SLC9A4: variants seen among roughly 807,000 people sequenced by gnomAD.
SLC9A4 encodes the protein solute carrier family 9 member A4, also known as sodium/hydrogen exchanger 4.
A neutral mutation model predicts 67.4 loss-of-function variants in SLC9A4; 63 were observed. That is an observed-to-expected ratio of 0.93 (90% CI 0.76 to 1.15). SLC9A4 has a LOEUF of 1.15. SLC9A4 is among the 50% of genes most tolerant of loss of function. The pLI is 0.00. For synonymous variants in SLC9A4, 393 were observed against 367.2 expected (o/e 1.07, Z -0.80); for missense variants, 1,089 against 987.7 (o/e 1.10, Z -1.38).
chr2:102,497,353 A>G (rs947667498), intron 2 of SLC9A4, among the ~76,000 whole-genome samples: 1 of 152,242 alleles, frequency 6.6e-6, no homozygotes, highest in Non-Finnish European at 1.5e-5. Context: ...TAGGTCTACA[A>G]AAAAGGCTTG....
Position 102,473,774 on chromosome 2 carries a change from G to A in SLC9A4, c.15G>A (p.Met5Ile), listed in dbSNP as rs781114165. 1.9e-6 allele frequency: 3 copies of A among 1,613,842 alleles called. No homozygotes were observed. The highest frequency in any genetic ancestry group is 1.1e-5 in the South Asian group (1 of 91,088). ...AGCCCACAGGAATGGCTCTGCAGAT[G>A]TTCGTGACTTACAGTCCTTGGAATT... MALQ[M>I]FVTYSPWNCL... Residue 5 changes from methionine to isoleucine, a missense_variant, in exon 1 of 12, where the codon ATG becomes ATA. By Grantham distance (10) the Met-to-Ile change is conservative. Transcript: ENST00000295269.
intron 6 of SLC9A4, among the ~76,000 whole-genome samples, chr2:102,509,301 A>G (rs1451676307): frequency 1.3e-5 from 2 of 152,156 alleles, no homozygotes; most frequent in Non-Finnish European, 2.9e-5. Flanking sequence ...CCCTCCAACA[A>G]TGATCCTTCT....
At chr2:102,501,616 G>C (rs189507451) in intron 2 of SLC9A4, among the ~76,000 whole-genome samples, 105 of 152,144 alleles carry the variant, frequency 6.9e-4, no homozygotes, top group African/African-American at 2.3e-3. Context: ...CAGAGGACCT[G>C]GAGGGGCCAG....
At chr2:102,526,229 C>A in intron 10 of SLC9A4, 30 bp from the exon 11 acceptor site, 1 of 1,606,094 alleles carries the variant, frequency 6.2e-7, no homozygotes, top group South Asian at 1.1e-5. Flanking sequence ...ACAGCTTATT[C>A]TGCTTTTTCT....
At chr2:102,493,287 C>T (rs1320276502) in intron 2 of SLC9A4, among the ~76,000 whole-genome samples, 2 of 149,920 alleles carry the variant, frequency 1.3e-5, no homozygotes, top group Non-Finnish European at 2.9e-5. Flanking sequence ...CCCCACTCTA[C>T]CTGTACCAAT....
intron 2 of SLC9A4, among the ~76,000 whole-genome samples, chr2:102,485,054 A>G (rs1684556941): frequency 6.6e-6 from 1 of 151,966 alleles, no homozygotes; most frequent in Non-Finnish European, 1.5e-5. Context: ...ATGGCACCTT[A>G]ATGAGGTGGT....
chr2:102,519,838 C>G, intron 8 of SLC9A4, 21 bp from the exon 9 acceptor site: 2 of 1,610,790 alleles, frequency 1.2e-6, no homozygotes, highest in Non-Finnish European at 8.5e-7. Flanking sequence ...ATGTTTGTCT[C>G]TTCTCCAATA....
At chr2:102,523,356 A>G (rs1010699832) in intron 9 of SLC9A4, among the ~76,000 whole-genome samples, 1 of 152,126 alleles carries the variant, frequency 6.6e-6, no homozygotes. Flanking sequence ...AATGGAAACC[A>G]TAAATCTACT....
intron 2 of SLC9A4, among the ~76,000 whole-genome samples, chr2:102,480,836 A>G (rs1057420384): frequency 6.6e-6 from 1 of 152,214 alleles, no homozygotes; most frequent in African/African-American, 2.4e-5. Context: ...TTTATCAGTC[A>G]CCTGTACTTG....
intron 4 of SLC9A4, among the ~76,000 whole-genome samples, chr2:102,507,307 G>C (rs537882496): frequency 6.6e-6 from 1 of 152,080 alleles, no homozygotes; most frequent in African/African-American, 2.4e-5. Context: ...TGAGGATGTG[G>C]AGAGTTTTAT....
intron 2 of SLC9A4, among the ~76,000 whole-genome samples, chr2:102,480,345 G>A (rs1387994790): frequency 6.6e-6 from 1 of 150,492 alleles, no homozygotes; most frequent in Non-Finnish European, 1.5e-5. Context: ...GATATAACAA[G>A]TCTTTCCGTG....
intron 2 of SLC9A4, among the ~76,000 whole-genome samples, chr2:102,495,832 C>G (rs1036145954): frequency 6.6e-6 from 1 of 152,084 alleles, no homozygotes; most frequent in African/African-American, 2.4e-5. Context: ...AAAATCACCC[C>G]TAACCTCAAG....
chr2:102,504,986 G>A (rs1573343415), intron 3 of SLC9A4, among the ~76,000 whole-genome samples: 2 of 152,344 alleles, frequency 1.3e-5, no homozygotes, highest in African/African-American at 4.8e-5. Context: ...TCTGCATTGG[G>A]TGTGCCCATG....
chr2:102,505,270 G>A lies in SLC9A4; in HGVS notation c.997G>A (p.Val333Ile), dbSNP rs1685026674. 2 of 1,614,080 alleles carry A rather than the reference G, an allele frequency of 1.2e-6. No homozygotes were observed. The highest frequency in any genetic ancestry group is 1.7e-6 in the Non-Finnish European group (2 of 1,179,988). Residue 333 changes from valine to isoleucine, a missense_variant, in exon 4 of 12, where the codon GTA becomes ATA. Val to Ile is a conservative substitution (Grantham distance 29, BLOSUM62 3). Transcript: ENST00000295269. Reference protein sequence around the residue: ...SGILAITACAVTMKKYVEENV... With the variant: ...SGILAITACAITMKKYVEENV... Reference sequence around the variant, plus strand: ...CTTTTATAGAATCACAGCCTGCGCAGTAACAATGAAAAAGTACGTGGAAGA... The same window carrying A: ...CTTTTATAGAATCACAGCCTGCGCAATAACAATGAAAAAGTACGTGGAAGA...
At chr2:102,493,053 G>A (rs1684735841) in intron 2 of SLC9A4, among the ~76,000 whole-genome samples, 1 of 152,174 alleles carries the variant, frequency 6.6e-6, no homozygotes, top group East Asian at 1.9e-4. Context: ...ACCTCAGACT[G>A]GACTTTGTTG....
chr2:102,476,980 C>A (rs1030298375), intron 1 of SLC9A4, among the ~76,000 whole-genome samples: 1 of 152,078 alleles, frequency 6.6e-6, no homozygotes, highest in Non-Finnish European at 1.5e-5. Flanking sequence ...GATAATTATA[C>A]CCTGTTGTGT....
At chr2:102,508,006 A>C in intron 4 of SLC9A4, 73 bp from the exon 5 acceptor site, 1 of 1,457,442 alleles carries the variant, frequency 6.9e-7, no homozygotes, top group Non-Finnish European at 9.6e-7. Flanking sequence ...CGCGCACACA[A>C]CCTCAGTTCA....
At chr2:102,497,449 G>A (rs896277670) in intron 2 of SLC9A4, among the ~76,000 whole-genome samples, 2 of 152,064 alleles carry the variant, frequency 1.3e-5, no homozygotes, top group East Asian at 3.9e-4. Context: ...AGGTAAACAG[G>A]TAAATAAATG....
chr2:102,485,970 C>T (rs1684580591), intron 2 of SLC9A4, among the ~76,000 whole-genome samples: 1 of 152,212 alleles, frequency 6.6e-6, no homozygotes, highest in African/African-American at 2.4e-5. Flanking sequence ...ATGCACGTGT[C>T]CTGCACCCCC....
Sources: allele counts gnomAD v4.1 joint callset (sites outside exome capture counted in the v4.1 genomes callset), GRCh38; gene constraint gnomAD v4.1.1; transcripts MANE v1.5; gene names NCBI Gene and HGNC (gene_info 2026-07-23, HGNC 2026-07-21).